The following RPTOR variants were observed in gnomAD, a reference collection of about 807,000 sequenced individuals.
RPTOR encodes regulatory-associated protein of mTOR.
In RPTOR, 21 loss-of-function variants were observed where a neutral mutation model predicts 169.9. The observed-to-expected ratio is 0.12, with a 90% CI of 0.09 to 0.18. RPTOR has a LOEUF of 0.18. Among genes scored for constraint, RPTOR ranks in the 10% least tolerant of loss-of-function variants. The pLI, the probability that RPTOR is intolerant of heterozygous loss-of-function variation, is 1.00. For missense variants in RPTOR, 1,133 were observed against 1,855.9 expected, an observed-to-expected ratio of 0.61 and a Z score of 7.16; for synonymous variants, 732 against 753.2, an observed-to-expected ratio of 0.97 and a Z score of 0.46.
Position 80,891,741 on chromosome 17 carries a change from C to A in RPTOR, c.2005C>A (p.His669Asn). 1.2e-6 allele frequency: 2 copies of A among 1,613,596 alleles called. No individual in the cohort carries two copies. The highest frequency in any genetic ancestry group is 2.2e-5 in the South Asian group (2 of 91,034). Residue 669 changes from histidine to asparagine, a missense_variant, in exon 18 of 34, where the codon CAT becomes AAT. This residue lies in a region of RPTOR where 150 missense variants were observed against 206.4 expected (regional missense o/e 0.73). Coordinates refer to ENST00000306801, the MANE Select transcript of RPTOR (RefSeq NM_020761.3). Reference protein sequence around the residue: ...VRKELVVALSHLVVQYESNFC... With the variant: ...VRKELVVALSNLVVQYESNFC... Reference sequence around the variant, plus strand: ...GCAGGAGCTGGTGGTGGCTCTGAGTCATCTTGTGGTTCAGTATGAAAGCAA... The same window carrying A: ...GCAGGAGCTGGTGGTGGCTCTGAGTAATCTTGTGGTTCAGTATGAAAGCAA...
chr17:80,642,574 A>G (rs2065562536), intron 2 of RPTOR, among the ~76,000 whole-genome samples: 1 of 152,146 alleles, frequency 6.6e-6, no homozygotes, highest in Non-Finnish European at 1.5e-5. Flanking sequence ...ATGCATGATG[A>G]TACAAAATAA....
At chr17:80,700,637 ATGG>A (rs1191758733) in intron 3 of RPTOR, among the ~76,000 whole-genome samples, 5 of 106,370 alleles carry the variant, frequency 4.7e-5, no homozygotes, top group East Asian at 3.3e-4. Flanking sequence ...GGCGGCGATG[ATGG>A]TGGTGGTGAT....
intron 4 of RPTOR, among the ~76,000 whole-genome samples, chr17:80,722,422 G>T (rs2066294127): frequency 6.6e-6 from 1 of 150,898 alleles, no homozygotes; most frequent in South Asian, 2.1e-4. Context: ...ATAGGCCCCT[G>T]ACGATAAGTT....
At chr17:80,634,107 G>A (rs955909997) in intron 2 of RPTOR, among the ~76,000 whole-genome samples, 21 of 132,104 alleles carry the variant, frequency 1.6e-4, no homozygotes, top group Non-Finnish European at 2.6e-4. Flanking sequence ...TATTGTGTGC[G>A]TGTGTGCATA....
At chr17:80,585,184 ATTATTATT>A (rs1275392908) in intron 1 of RPTOR, among the ~76,000 whole-genome samples, 1 of 131,388 alleles carries the variant, frequency 7.6e-6, no homozygotes, top group East Asian at 2.0e-4. Context: ...TATTATTATT[ATTATTATT>A]ATTATTATTA....
intron 6 of RPTOR, among the ~76,000 whole-genome samples, chr17:80,790,114 A>G (rs1031018108): frequency 4.6e-5 from 7 of 152,194 alleles, no homozygotes; most frequent in Non-Finnish European, 8.8e-5. Context: ...TGAGGAGAGC[A>G]TCTGCAAGTG....
At chr17:80,944,663 CATG>C (rs1406193204) in intron 25 of RPTOR, among the ~76,000 whole-genome samples, 1 of 152,156 alleles carries the variant, frequency 6.6e-6, no homozygotes, top group Non-Finnish European at 1.5e-5. Context: ...TGACGTCGGC[CATG>C]ATAAGATACG....
rs747122811 is a variant in RPTOR at position 80,945,801 on chromosome 17, G to A, written c.3140+20G>A. 2 of 1,484,848 alleles carry A rather than the reference G, an allele frequency of 1.3e-6. No individual in the cohort carries two copies. Among genetic ancestry groups the A allele is most frequent in the South Asian group, 1.2e-5 (1 of 80,874 alleles). 92.0% of individuals were successfully genotyped at this position (1,484,848 alleles called of 1,614,324 possible). On this transcript the variant is annotated intron_variant, in intron 26 of 33. Coordinates refer to ENST00000306801, the MANE Select transcript of RPTOR (RefSeq NM_020761.3). ...CATCTGGTATGCACCGCGCTGGTCA[G>A]GCCTCCCTTCCGGCTGACCGACAGC...
chr17:80,568,947 G>T (rs2064874386), intron 1 of RPTOR, among the ~76,000 whole-genome samples: 1 of 152,172 alleles, frequency 6.6e-6, no homozygotes, highest in Non-Finnish European at 1.5e-5. Context: ...TTACAGGTGT[G>T]AGCTGCAATG....
chr17:80,555,222 G>A (rs1252173447), intron 1 of RPTOR, among the ~76,000 whole-genome samples: 1 of 152,166 alleles, frequency 6.6e-6, no homozygotes, highest in Non-Finnish European at 1.5e-5. Flanking sequence ...AAACATAAAG[G>A]CCCTAATCTG....
intron 10 of RPTOR, among the ~76,000 whole-genome samples, chr17:80,839,859 C>G (rs1313452957): frequency 1.3e-5 from 2 of 152,148 alleles, no homozygotes; most frequent in Non-Finnish European, 2.9e-5. Flanking sequence ...GTTTCTGTGC[C>G]AGGTATCTTT....
intron 6 of RPTOR, among the ~76,000 whole-genome samples, chr17:80,766,469 C>T (rs1429285875): frequency 1.3e-5 from 2 of 152,216 alleles, no homozygotes; most frequent in African/African-American, 2.4e-5. Context: ...CCTGCTTTAG[C>T]CTCCCAAAGT....
intron 2 of RPTOR, among the ~76,000 whole-genome samples, chr17:80,626,960 T>C (rs976108634): frequency 6.6e-6 from 1 of 152,134 alleles, no homozygotes; most frequent in Non-Finnish European, 1.5e-5. Flanking sequence ...CATTCCTGCC[T>C]TCCCCTAGCC....
At chr17:80,884,052 G>T in intron 16 of RPTOR, 80 bp downstream of exon 16, 4 of 1,438,262 alleles carry the variant, frequency 2.8e-6, no homozygotes, top group South Asian at 2.6e-5. Context: ...TCGCGTGCGG[G>T]TGTGGCCGGC....
At chr17:80,864,786 T>C (rs2067967963) in intron 13 of RPTOR, among the ~76,000 whole-genome samples, 2 of 152,356 alleles carry the variant, frequency 1.3e-5, no homozygotes, top group South Asian at 4.1e-4. Context: ...GATAATTGTT[T>C]TAAGAAAAAT....
Position 80,746,200 on chromosome 17 carries a change from CCGCCCCCACAGCGG to C in RPTOR, c.655-7809_655-7796del, listed in dbSNP as rs1489720600. Among the ~76,000 whole-genome samples the C allele has an allele frequency of 2.1e-3, 301 of 146,440 alleles. 9 individuals carry two copies. The highest frequency in any genetic ancestry group is 3.4e-3 in the Non-Finnish European group (221 of 64,506). On this transcript the variant is annotated intron_variant, in intron 5 of 33. Coordinates refer to ENST00000306801, the MANE Select transcript of RPTOR (RefSeq NM_020761.3). This position sits in a 1 kb window ranked among gnomAD's most constrained non-coding sequence, Gnocchi z 4.5. ...AAAAGTGCAGTGCAGGTGATCCCCA[CCGCCCCCACAGCGG>C]TGCTTTCTGCGGGTGATCCCCACCG...
At chr17:80,880,569 C>G in intron 14 of RPTOR, 80 bp downstream of exon 14, 1 of 1,344,044 alleles carries the variant, frequency 7.4e-7, no homozygotes. Context: ...GCGGTGGGGC[C>G]TTTTGACGGG....
At chr17:80,926,494 C>T (rs1246202218) in intron 24 of RPTOR, among the ~76,000 whole-genome samples, 1 of 152,180 alleles carries the variant, frequency 6.6e-6, no homozygotes, top group Non-Finnish European at 1.5e-5. Context: ...AGAAAATAAT[C>T]AGAGATGTAG....
chr17:80,641,441 T>C (rs1205107537), intron 2 of RPTOR, among the ~76,000 whole-genome samples: 2 of 152,222 alleles, frequency 1.3e-5, no homozygotes, highest in Non-Finnish European at 2.9e-5. Flanking sequence ...AGTTGTAAAA[T>C]CTTATTAACG....
Sources: allele counts gnomAD v4.1 joint callset (sites outside exome capture counted in the v4.1 genomes callset), GRCh38; gene constraint gnomAD v4.1.1; regional missense constraint gnomAD v4.1.1; non-coding constraint Gnocchi (gnomAD v3.1); transcripts MANE v1.5; gene names NCBI Gene and HGNC (gene_info 2026-07-23, HGNC 2026-07-21).